MAGI2: variants seen among roughly 807,000 people sequenced by gnomAD.
The protein encoded by MAGI2 is membrane-associated guanylate kinase, WW and PDZ domain-containing protein 2.
A neutral mutation model predicts 133.3 loss-of-function variants in MAGI2; 35 were observed. The observed-to-expected ratio is 0.26, with a 90% CI of 0.20 to 0.35. The LOEUF (loss-of-function observed/expected upper bound fraction) is 0.35, where lower values mean the gene tolerates loss of function less well. MAGI2 is among the 10% of genes least tolerant of loss of function. The pLI, the probability that MAGI2 is intolerant of heterozygous loss-of-function variation, is 1.00. For missense variants in MAGI2, 1,636 were observed against 1,863.4 expected (o/e 0.88, Z 2.25); for synonymous variants, 729 against 710.6 (o/e 1.03, Z -0.41).
intron 1 of MAGI2, among the ~76,000 whole-genome samples, chr7:79,247,100 A>T (rs551638586): frequency 1.3e-5 from 2 of 152,158 alleles, no homozygotes; most frequent in African/African-American, 2.4e-5. Flanking sequence ...GACAAAAAAA[A>T]CCTGTGACAT....
intron 2 of MAGI2, among the ~76,000 whole-genome samples, chr7:78,928,760 C>T (rs879510929): frequency 2.6e-5 from 4 of 151,964 alleles, no homozygotes; most frequent in Non-Finnish European, 4.4e-5. Flanking sequence ...ACAAGAAATG[C>T]ACCGGAGAGA....
chr7:78,238,498 C>T (rs1360322771), intron 10 of MAGI2, among the ~76,000 whole-genome samples: 1 of 151,588 alleles, frequency 6.6e-6, no homozygotes, highest in African/African-American at 2.4e-5. Flanking sequence ...CCCAGGAGTT[C>T]GAGGCTAGCC....
At chr7:79,375,330 T>C (rs1843310760) in intron 1 of MAGI2, among the ~76,000 whole-genome samples, 1 of 152,046 alleles carries the variant, frequency 6.6e-6, no homozygotes, top group South Asian at 2.1e-4. Flanking sequence ...CAATAAGGAG[T>C]TCATTGAGCA....
intron 1 of MAGI2, among the ~76,000 whole-genome samples, chr7:79,313,063 CA>C (rs1187293968): frequency 6.6e-6 from 1 of 152,126 alleles, no homozygotes; most frequent in African/African-American, 2.4e-5. Flanking sequence ...AAAATTCAAT[CA>C]ATTATAGACT....
At chr7:78,494,747 G>C (rs1793932988) in intron 5 of MAGI2, among the ~76,000 whole-genome samples, 1 of 152,012 alleles carries the variant, frequency 6.6e-6, no homozygotes, top group African/African-American at 2.4e-5. Flanking sequence ...GAAATGAAAA[G>C]CTTTTATTAT....
At chr7:78,508,536 C>A (rs919934066) in intron 4 of MAGI2, among the ~76,000 whole-genome samples, 1 of 152,112 alleles carries the variant, frequency 6.6e-6, no homozygotes, top group African/African-American at 2.4e-5. Context: ...CGTTAAGAAC[C>A]GAGCAAACTT....
In MAGI2 at chr7:78,236,195, T is replaced by C. The variant is rs536252792; in HGVS notation, c.2047+19748A>G. Among the ~76,000 whole-genome samples the C allele has an allele frequency of 2.6e-5, 4 of 152,208 alleles. No homozygotes were observed. The South Asian group carries it at 8.3e-4, about 32-fold the overall frequency. ...CTTGTTAACTGGATGTTCCCATATT[T>C]ATAACAGCACCTGGCACATTTATGG... On this transcript the variant is annotated intron_variant, in intron 10 of 21. Transcript: ENST00000354212.
intron 2 of MAGI2, among the ~76,000 whole-genome samples, chr7:78,815,298 A>G (rs1789467911): frequency 6.6e-6 from 1 of 152,194 alleles, no homozygotes; most frequent in Middle Eastern, 3.2e-3. Context: ...AAAGGATTTT[A>G]AAATCATTTT....
chr7:79,071,677 G>A (rs1814988840), intron 1 of MAGI2, among the ~76,000 whole-genome samples: 1 of 151,468 alleles, frequency 6.6e-6, no homozygotes, highest in African/African-American at 2.4e-5. Context: ...AGGAAATCTA[G>A]AGAGGCAGTC....
intron 6 of MAGI2, among the ~76,000 whole-genome samples, chr7:78,446,991 T>A (rs1008291465): frequency 1.3e-5 from 2 of 152,068 alleles, no homozygotes; most frequent in Admixed American, 6.6e-5. Context: ...ATTTTGATTA[T>A]CCTATTCAAA....
chr7:79,077,608 T>TAAG (rs1815648164), intron 1 of MAGI2, among the ~76,000 whole-genome samples: 1 of 113,548 alleles, frequency 8.8e-6, no homozygotes, highest in Non-Finnish European at 1.8e-5. Flanking sequence ...AATAAATAAA[T>TAAG]AAATTCCCTT....
intron 1 of MAGI2, among the ~76,000 whole-genome samples, chr7:79,247,666 G>A (rs539808346): frequency 6.6e-6 from 1 of 152,150 alleles, no homozygotes; most frequent in East Asian, 1.9e-4. Context: ...TAAAGACACA[G>A]TACAATAAGA....
intron 2 of MAGI2, among the ~76,000 whole-genome samples, chr7:78,735,695 T>C (rs2151237496): frequency 6.6e-6 from 1 of 152,300 alleles, no homozygotes; most frequent in East Asian, 1.9e-4. Flanking sequence ...CTAAATGAGT[T>C]CTGATTTATT....
intron 20 of MAGI2, among the ~76,000 whole-genome samples, chr7:78,084,375 T>C (rs1369269825): frequency 6.6e-6 from 1 of 152,242 alleles, no homozygotes; most frequent in African/African-American, 2.4e-5. Flanking sequence ...CTGTGTCATC[T>C]ATACCTGCCA....
At chr7:78,154,223 C>A (rs905964567) in intron 16 of MAGI2, among the ~76,000 whole-genome samples, 5 of 152,180 alleles carry the variant, frequency 3.3e-5, no homozygotes, top group Non-Finnish European at 7.3e-5. Flanking sequence ...AGAAACTCAC[C>A]AGGGTGCTTT....
At chr7:78,313,194 G>A (rs6955653) in intron 9 of MAGI2, among the ~76,000 whole-genome samples, 1,978 of 152,064 alleles carry the variant, frequency 0.013, 49 homozygotes, top group African/African-American at 0.045. Flanking sequence ...GACTCAGAAA[G>A]GTGGGAGCAT....
chr7:79,426,949 C>T (rs1847413354), intron 1 of MAGI2, among the ~76,000 whole-genome samples: 1 of 151,944 alleles, frequency 6.6e-6, no homozygotes, highest in Non-Finnish European at 1.5e-5. Flanking sequence ...TAGTTTTAGT[C>T]CTAAAAAAGG....
chr7:79,094,046 G>C (rs778572988), intron 1 of MAGI2, among the ~76,000 whole-genome samples: 1 of 152,080 alleles, frequency 6.6e-6, no homozygotes, highest in Non-Finnish European at 1.5e-5. Context: ...AACAAATTTA[G>C]CATATCAATG....
At chr7:78,538,084 T>C (rs1332885486) in intron 3 of MAGI2, among the ~76,000 whole-genome samples, 1 of 152,152 alleles carries the variant, frequency 6.6e-6, no homozygotes, top group Admixed American at 6.5e-5. Flanking sequence ...TTGAATAGGA[T>C]GCCCTTTCCC....
Sources: allele counts gnomAD v4.1 joint callset (sites outside exome capture counted in the v4.1 genomes callset), GRCh38; gene constraint gnomAD v4.1.1; transcripts MANE v1.5; gene names NCBI Gene and HGNC (gene_info 2026-07-23, HGNC 2026-07-21).